Variants in MAP3K13 observed in about 807,000 individuals in gnomAD.
MAP3K13 encodes mitogen-activated protein kinase kinase kinase 13.
MAP3K13 carries 52 observed loss-of-function variants against 104.0 expected under a neutral mutation model. That is an observed-to-expected ratio of 0.50 (90% CI 0.40 to 0.63). The LOEUF (loss-of-function observed/expected upper bound fraction) is 0.63. Among genes scored for constraint, MAP3K13 ranks in the 20% least tolerant of loss-of-function variants. MAP3K13 has a pLI of 0.00. For missense variants in MAP3K13, 914 were observed against 1,218.5 expected (o/e 0.75, Z 3.72); for synonymous variants, 394 against 442.2 (o/e 0.89, Z 1.37).
intron 2 of MAP3K13, among the ~76,000 whole-genome samples, chr3:185,326,347 C>G (rs1202834007): frequency 6.6e-6 from 1 of 152,148 alleles, no homozygotes; most frequent in African/African-American, 2.4e-5. Flanking sequence ...ACCACGCCCC[C>G]AGGATTTTAG....
chr3:185,416,946 A>G (rs1713816982), intron 1 of MAP3K13, among the ~76,000 whole-genome samples: 1 of 152,018 alleles, frequency 6.6e-6, no homozygotes, highest in Non-Finnish European at 1.5e-5. Context: ...TTTAAAAATA[A>G]TTTTATTTTT....
In MAP3K13 at chr3:185,428,963, G is replaced by T. The variant is rs770069949; in HGVS notation, c.382G>T (p.Gly128Cys). Reference protein sequence around the residue: ...IQFSRSGSGSGGFLEGLFGCL... With the variant: ...IQFSRSGSGSCGFLEGLFGCL... ...GTTCAGCAGGTCAGGCAGTGGCAGT[G>T]GTGGGTTTCTTGAAGGACTATTTGG... Residue 128 changes from glycine (G) to cysteine (C), a missense_variant, in exon 2 of 14, where the codon GGT (glycine) becomes TGT (cysteine). Coordinates refer to ENST00000265026, the MANE Select transcript of MAP3K13 (RefSeq NM_004721.5). The T allele has an allele frequency of 6.2e-7, 1 of 1,614,156 alleles. No homozygotes were observed. Among genetic ancestry groups the T allele is most frequent in the African/African-American group, 1.3e-5 (1 of 75,038 alleles).
chr3:185,469,516 T>G lies in MAP3K13; in HGVS notation c.1643+2553T>G, dbSNP rs1451339510. ...ACAAATTGGCCAGCTGACCACAGAA[T>G]TTTGAATCTGGGACAGGAAGCTGCC... On this transcript the variant is annotated intron_variant, in intron 10 of 13. Transcript: ENST00000265026. Among the ~76,000 whole-genome samples, 4 of 152,338 alleles carry G rather than the reference T, an allele frequency of 2.6e-5. No individual in the cohort carries two copies. In the East Asian group the frequency reaches 7.7e-4, roughly 29 times the overall value.
chr3:185,296,828 T>C (rs1025906940), intron 2 of MAP3K13, among the ~76,000 whole-genome samples: 9 of 152,234 alleles, frequency 5.9e-5, no homozygotes, highest in African/African-American at 2.2e-4. Flanking sequence ...GATGAATTAA[T>C]TAAATTTATT....
intron 2 of MAP3K13, among the ~76,000 whole-genome samples, chr3:185,307,583 C>A (rs572206044): frequency 8.2e-6 from 1 of 122,314 alleles, no homozygotes; most frequent in African/African-American, 3.1e-5. Context: ...TACTCTGTCG[C>A]CCAGAGCTGT....
At chr3:185,382,499 G>A (rs973202654) in intron 1 of MAP3K13, among the ~76,000 whole-genome samples, 3 of 152,086 alleles carry the variant, frequency 2.0e-5, no homozygotes, top group African/African-American at 7.2e-5. Flanking sequence ...AATTTTTTCA[G>A]GTAAGAAAAT....
chr3:185,380,962 T>G (rs912265395), intron 1 of MAP3K13, among the ~76,000 whole-genome samples: 2 of 151,422 alleles, frequency 1.3e-5, no homozygotes, highest in Non-Finnish European at 2.9e-5. Context: ...TTTTTTTGTT[T>G]TTTTTTGTTT....
At position 185,484,252 on chromosome 3, in the gene MAP3K13, C is replaced by A. The variant is rs1400141083; in HGVS notation, c.*1796C>A. The A allele has an allele frequency of 6.6e-6, 1 of 152,110 alleles. No homozygotes were observed. The highest frequency in any genetic ancestry group is 1.9e-4 in the East Asian group (1 of 5,184). The allele number at this position is 152,110 out of a possible 1,614,324, so 9.4% of individuals were successfully genotyped here. A position where few individuals can be genotyped will look rare whatever the true frequency, so the allele number is the denominator to read the frequency against. On this transcript the variant is annotated 3_prime_UTR_variant, in exon 14 of 14. Coordinates refer to ENST00000265026, the MANE Select transcript of MAP3K13 (RefSeq NM_004721.5). ...TTTTACATTGCCAAAAGCATGAGGTCCTGCCTGTCTCCAGGGTCATGGGCT... is the reference window on the plus strand; with the variant it reads ...TTTTACATTGCCAAAAGCATGAGGTACTGCCTGTCTCCAGGGTCATGGGCT...
At chr3:185,391,712 CCTT>C (rs532912540) in intron 1 of MAP3K13, among the ~76,000 whole-genome samples, 96 of 152,234 alleles carry the variant, frequency 6.3e-4, no homozygotes, top group African/African-American at 2.2e-3. Context: ...GTAATTCTGA[CCTT>C]CTTTTCCTTT....
chr3:185,408,278 A>C (rs1376016944), intron 1 of MAP3K13, among the ~76,000 whole-genome samples: 2 of 152,108 alleles, frequency 1.3e-5, no homozygotes, highest in Non-Finnish European at 2.9e-5. Context: ...TAAAATGCCA[A>C]TTCGGCCAGG....
At chr3:185,405,830 T>C (rs1037589190) in intron 1 of MAP3K13, among the ~76,000 whole-genome samples, 2 of 152,204 alleles carry the variant, frequency 1.3e-5, no homozygotes, top group African/African-American at 2.4e-5. Context: ...TCCTTGAGGG[T>C]AGGACTATCT....
chr3:185,439,988 G>T (rs970685189), intron 3 of MAP3K13, among the ~76,000 whole-genome samples: 1 of 152,182 alleles, frequency 6.6e-6, no homozygotes, highest in African/African-American at 2.4e-5. Context: ...ATTCAGGACC[G>T]TCTGGAAGAT....
upstream of MAP3K13, among the ~76,000 whole-genome samples, chr3:185,361,588 T>C (rs1723629188): frequency 6.6e-6 from 1 of 152,114 alleles, no homozygotes; most frequent in African/African-American, 2.4e-5. Flanking sequence ...GTATTTTTAG[T>C]AGAGACGGGG....
chr3:185,384,522 GT>G (rs906584035), intron 1 of MAP3K13, among the ~76,000 whole-genome samples: 1 of 152,024 alleles, frequency 6.6e-6, no homozygotes, highest in Non-Finnish European at 1.5e-5. Context: ...TCTATTTGTA[GT>G]TTTTTGAGAA....
chr3:185,453,781 A>G lies in MAP3K13; in HGVS notation c.1278+2386A>G, dbSNP rs554302276. ...GAGACTCCGTCTAAAAAAAAAAAAA[A>G]TTATATATATATATGAGATATATAT... On this transcript the variant is annotated intron_variant, in intron 7 of 13. Coordinates refer to ENST00000265026, the MANE Select transcript of MAP3K13 (RefSeq NM_004721.5). Among the ~76,000 whole-genome samples, 166 of 139,064 alleles carry G rather than the reference A, an allele frequency of 1.2e-3. 2 individuals are homozygous for G. Among genetic ancestry groups the G allele is most frequent in the African/African-American group, 4.2e-3 (160 of 37,952 alleles). The allele number at this position is 139,064 out of a possible 152,430, so 91.2% of individuals were successfully genotyped here.
intron 1 of MAP3K13, among the ~76,000 whole-genome samples, chr3:185,369,347 C>G (rs1016379101): frequency 2.6e-5 from 4 of 151,936 alleles, no homozygotes; most frequent in East Asian, 1.9e-4. Context: ...AGTCAGGCAC[C>G]CTGAGATGTA....
Position 185,482,435 on chromosome 3 carries a change from C to T in MAP3K13, c.2880C>T (p.His960=), listed in dbSNP as rs1175055604. The stretch of plus-strand genomic sequence containing the variant: ...ATGCCACAGTTAGGACCAATAAACA[C>T]TACAGCTCTGCTACCTGGTAATGAA... The part of the protein sequence containing the change: ...CSDATVRTNK[H]YSSATW The change falls in exon 14 of 14, where the codon CAC becomes CAT. Residue 960 remains histidine (H), a synonymous_variant. Coordinates refer to ENST00000265026, the MANE Select transcript of MAP3K13 (RefSeq NM_004721.5). The surrounding 1 kb of genome is among the most constrained non-coding windows in gnomAD (Gnocchi z 4.5). 1.2e-6 allele frequency: 2 copies of T among 1,613,550 alleles called. No homozygotes were observed. The highest frequency in any genetic ancestry group is 8.5e-7 in the Non-Finnish European group (1 of 1,179,462).
chr3:185,339,125 G>A (rs1722626034), intron 2 of MAP3K13, among the ~76,000 whole-genome samples: 1 of 152,126 alleles, frequency 6.6e-6, no homozygotes. Context: ...TTTGAGACCA[G>A]TCTGGCCAAC....
intron 7 of MAP3K13, among the ~76,000 whole-genome samples, chr3:185,456,244 C>A (rs1371540725): frequency 1.3e-5 from 2 of 152,074 alleles, no homozygotes; most frequent in Non-Finnish European, 1.5e-5. Flanking sequence ...AAACTTAGAT[C>A]TCCCCACAAC....
Sources: gnomAD v4.1 joint callset for allele counts (sites outside exome capture counted in the v4.1 genomes callset) on GRCh38, gnomAD v4.1.1 for gene constraint, Gnocchi (gnomAD v3.1) non-coding constraint, MANE v1.5 for transcripts, NCBI Gene and HGNC (gene_info 2026-07-23, HGNC 2026-07-21) for gene names.